Variants in TAF3 observed in about 807,000 individuals in gnomAD.
The protein encoded by TAF3 is TATA-box binding protein associated factor 3, also known as transcription initiation factor TFIID subunit 3.
Under a neutral mutation model 80.6 loss-of-function variants are expected in TAF3, and 7 were observed. That is an observed-to-expected ratio of 0.09 (90% CI 0.05 to 0.16). The LOEUF is 0.16. TAF3 is among the 10% of genes least tolerant of loss of function. TAF3 has a pLI of 1.00. For synonymous variants in TAF3, 444 were observed against 446.1 expected (o/e 1.00, Z 0.06); for missense variants, 921 against 1,140.2 (o/e 0.81, Z 2.77).
intron 2 of TAF3, among the ~76,000 whole-genome samples, chr10:7,923,371 G>C (rs1837784673): frequency 6.6e-6 from 1 of 151,970 alleles, no homozygotes; most frequent in African/African-American, 2.4e-5. Flanking sequence ...TTTGTTATAG[G>C]TTTTGTGTGT....
intron 2 of TAF3, among the ~76,000 whole-genome samples, chr10:7,919,019 A>T (rs1185273446): frequency 6.6e-6 from 1 of 152,186 alleles, no homozygotes; most frequent in African/African-American, 2.4e-5. Context: ...CAGAGGTTTA[A>T]CAGGAAGGTG....
At chr10:7,955,827 G>A (rs1838130043) in intron 2 of TAF3, among the ~76,000 whole-genome samples, 1 of 152,196 alleles carries the variant, frequency 6.6e-6, no homozygotes, top group African/African-American at 2.4e-5. Flanking sequence ...TGTAGGGAGT[G>A]TGGATTATTT....
intron 2 of TAF3, among the ~76,000 whole-genome samples, chr10:7,914,604 G>T (rs193246101): frequency 6.6e-6 from 1 of 152,272 alleles, no homozygotes; most frequent in African/African-American, 2.4e-5. Context: ...TATTTCATAT[G>T]ATGTTTGCAT....
Position 7,963,992 on chromosome 10 carries a change from A to T in TAF3, c.482A>T (p.Asp161Val). ...GCCATGCAGGTTCCCTTGGAAGAAG[A>T]TGATGAATTGGAGGAGGAAGAAATT... ...AEAMQVPLEE[D>V]DELEEEEIIN... The change falls in exon 3 of 7, where the codon GAT becomes GTT. Residue 161 changes from aspartate (D) to valine (V), a missense_variant. This residue lies in a region of TAF3 where 743 missense variants were observed against 821.0 expected (regional missense o/e 0.90). Transcript: ENST00000344293. 6.2e-7 allele frequency: 1 copy of T among 1,614,138 alleles called. No homozygotes were observed. Among genetic ancestry groups the T allele is most frequent in the African/African-American group, 1.3e-5 (1 of 75,028 alleles).
intron 2 of TAF3, among the ~76,000 whole-genome samples, chr10:7,850,728 C>G (rs1314212871): frequency 6.6e-6 from 1 of 151,700 alleles, no homozygotes; most frequent in Non-Finnish European, 1.5e-5. Context: ...CATACATACA[C>G]TAATACGATT....
chr10:7,847,920 T>C (rs748001286), intron 2 of TAF3, among the ~76,000 whole-genome samples: 34 of 151,940 alleles, frequency 2.2e-4, no homozygotes, highest in Non-Finnish European at 1.9e-4. Context: ...CAGGCACCCA[T>C]CACCACACCC....
chr10:7,963,937 G>A lies in TAF3; in HGVS notation c.427G>A (p.Val143Met), dbSNP rs1050980901. ...TTTACCAGAAGAAGAAGAAGAGCAG[G>A]TGCCCACTGATGGAGGCACATCAGC... ...SSQEEEEEEQ[V>M]PTDGGTSAEA... The change falls in exon 3 of 7, where the codon GTG (valine) becomes ATG (methionine). Residue 143 changes from valine to methionine, a missense_variant. Physicochemically the swap from Val to Met is conservative, Grantham distance 21. Transcript: ENST00000344293. The A allele has an allele frequency of 3.8e-6, 6 of 1,586,752 alleles. No individual in the cohort carries two copies. The highest frequency in any genetic ancestry group is 2.7e-5 in the African/African-American group (2 of 73,516).
At chr10:7,864,551 G>A (rs139996631) in intron 2 of TAF3, among the ~76,000 whole-genome samples, 44 of 152,258 alleles carry the variant, frequency 2.9e-4, no homozygotes, top group East Asian at 9.6e-4. Context: ...CTATCTAAGC[G>A]TAATAATGTG....
chr10:7,867,438 G>A (rs143696343), intron 2 of TAF3, among the ~76,000 whole-genome samples: 40 of 152,238 alleles, frequency 2.6e-4, no homozygotes, highest in Non-Finnish European at 3.7e-4. Flanking sequence ...ATTACAGCTC[G>A]CAAATATTTC....
chr10:7,896,856 G>A, intron 2 of TAF3, among the ~76,000 whole-genome samples: 1 of 152,242 alleles, frequency 6.6e-6, no homozygotes, highest in Admixed American at 6.5e-5. Flanking sequence ...AAAGTCAGAT[G>A]TCAGCCCAGT....
intron 2 of TAF3, among the ~76,000 whole-genome samples, chr10:7,894,138 C>A (rs1407362295): frequency 2.6e-5 from 4 of 152,126 alleles, no homozygotes; most frequent in Non-Finnish European, 5.9e-5. Flanking sequence ...GTTAGCCATT[C>A]TAATGGAAGC....
At chr10:7,844,882 A>G (rs1836954194) in intron 2 of TAF3, among the ~76,000 whole-genome samples, 1 of 152,054 alleles carries the variant, frequency 6.6e-6, no homozygotes, top group Non-Finnish European at 1.5e-5. Flanking sequence ...GCCATTAGTT[A>G]CTTAGCCAAT....
At chr10:7,941,285 C>T (rs1469808202) in intron 2 of TAF3, among the ~76,000 whole-genome samples, 1 of 152,050 alleles carries the variant, frequency 6.6e-6, no homozygotes, top group Non-Finnish European at 1.5e-5. Flanking sequence ...TGTTTGGCAT[C>T]GAATAGGCAT....
intron 4 of TAF3, among the ~76,000 whole-genome samples, chr10:7,989,612 T>C (rs1279092100): frequency 2.6e-5 from 4 of 152,248 alleles, no homozygotes; most frequent in Admixed American, 6.5e-5. Context: ...ATTAAAACTT[T>C]TGATAGAAAT....
intron 2 of TAF3, among the ~76,000 whole-genome samples, chr10:7,912,444 A>G (rs1464432175): frequency 1.3e-5 from 2 of 152,230 alleles, no homozygotes; most frequent in South Asian, 4.1e-4. Context: ...GGAATAGTGG[A>G]AAAGATAATA....
intron 5 of TAF3, among the ~76,000 whole-genome samples, chr10:8,011,405 C>T (rs1005096985): frequency 1.3e-5 from 2 of 152,126 alleles, no homozygotes; most frequent in Non-Finnish European, 2.9e-5. Context: ...AGGCGTCTGC[C>T]ACCACAACTG....
intron 2 of TAF3, among the ~76,000 whole-genome samples, chr10:7,863,656 C>G (rs1218481119): frequency 1.1e-5 from 1 of 87,440 alleles, no homozygotes; most frequent in Non-Finnish European, 2.2e-5. Flanking sequence ...TACACACACA[C>G]ATATATATAT....
intron 2 of TAF3, among the ~76,000 whole-genome samples, chr10:7,952,342 T>C (rs1838090316): frequency 6.6e-6 from 1 of 152,152 alleles, no homozygotes; most frequent in African/African-American, 2.4e-5. Context: ...AGAAGAGTGA[T>C]TAACGATAGC....
intron 2 of TAF3, among the ~76,000 whole-genome samples, chr10:7,865,623 C>T (rs1408977021): frequency 6.6e-6 from 1 of 152,218 alleles, no homozygotes; most frequent in African/African-American, 2.4e-5. Flanking sequence ...GCTTTAGCAG[C>T]CCCGGCAGGG....
Sources: gnomAD v4.1 joint callset for allele counts (sites outside exome capture counted in the v4.1 genomes callset) on GRCh38, gnomAD v4.1.1 for gene constraint, gnomAD v4.1.1 regional missense constraint, MANE v1.5 for transcripts, NCBI Gene and HGNC (gene_info 2026-07-23, HGNC 2026-07-21) for gene names.